The following LOC128462377 variants were observed in gnomAD, a reference collection of about 807,000 sequenced individuals.
chr16:89,341,653 T>C, the LOC128462377 span, among the ~76,000 whole-genome samples: 1 of 152,238 alleles, frequency 6.6e-6, no homozygotes, highest in African/African-American at 2.4e-5. Context: ...CTGGGAGCAA[T>C]GCCACGTATG....
At chr16:89,385,200 G>T in the LOC128462377 span, among the ~76,000 whole-genome samples, 11 of 145,268 alleles carry the variant, frequency 7.6e-5, no homozygotes, top group African/African-American at 2.8e-4. Flanking sequence ...TTTTTTGTTT[G>T]TTTGTTTGAG....
chr16:89,394,001 G>C, the LOC128462377 span, among the ~76,000 whole-genome samples: 1 of 152,168 alleles, frequency 6.6e-6, no homozygotes, highest in Non-Finnish European at 1.5e-5. Context: ...ATGAAAGTGG[G>C]TTCCCAGACC....
At chr16:89,357,805 G>A in the LOC128462377 span, among the ~76,000 whole-genome samples, 3 of 152,258 alleles carry the variant, frequency 2.0e-5, no homozygotes, top group Non-Finnish European at 4.4e-5. Context: ...TCATCGGCAA[G>A]CCAATCCATG....
the LOC128462377 span, among the ~76,000 whole-genome samples, chr16:89,352,366 T>G: frequency 6.6e-6 from 1 of 151,052 alleles, no homozygotes; most frequent in East Asian, 2.0e-4. Flanking sequence ...CCGCAATGTC[T>G]CAAGGCAGCC....
the LOC128462377 span, among the ~76,000 whole-genome samples, chr16:89,389,175 C>T: frequency 6.6e-6 from 1 of 152,040 alleles, no homozygotes; most frequent in East Asian, 1.9e-4. Context: ...CACGCCACTA[C>T]GTCTGGCTAA....
the LOC128462377 span, among the ~76,000 whole-genome samples, chr16:89,346,313 A>G: frequency 1.3e-5 from 2 of 152,040 alleles, no homozygotes; most frequent in Non-Finnish European, 2.9e-5. Flanking sequence ...CACGGAGCAG[A>G]TATTAAAGTG....
At chr16:89,324,221 T>C in the LOC128462377 span, 1 of 1,192,226 alleles carries the variant, frequency 8.4e-7, no homozygotes, top group Non-Finnish European at 1.1e-6. Context: ...TACTGGCCTC[T>C]GCTTTGCCCC....
the LOC128462377 span, among the ~76,000 whole-genome samples, chr16:89,349,134 T>TAAAA: frequency 7.7e-3 from 128 of 16,562 alleles, 8 homozygotes; most frequent in Non-Finnish European, 9.5e-3. Flanking sequence ...TCTCAAAAAG[T>TAAAA]AAAAAAAAAA....
At chr16:89,348,239 C>T in the LOC128462377 span, among the ~76,000 whole-genome samples, 1 of 152,152 alleles carries the variant, frequency 6.6e-6, no homozygotes, top group African/African-American at 2.4e-5. Context: ...GCCTCAAATA[C>T]CATTTTTTAA....
chr16:89,397,946 T>A, the LOC128462377 span, among the ~76,000 whole-genome samples: 2 of 152,226 alleles, frequency 1.3e-5, no homozygotes, highest in African/African-American at 4.8e-5. Context: ...CAGACACTGA[T>A]CTCCTGTTGT....
At chr16:89,406,718 ACCTCAGTGCCTCCT>A in the LOC128462377 span, among the ~76,000 whole-genome samples, 6 of 152,112 alleles carry the variant, frequency 3.9e-5, no homozygotes, top group Non-Finnish European at 8.8e-5. Flanking sequence ...AAGAAGATGG[ACCTCAGTGCCTCCT>A]TCACGCTGAT....
chr16:89,384,454 G>C, the LOC128462377 span, among the ~76,000 whole-genome samples: 2 of 151,722 alleles, frequency 1.3e-5, no homozygotes, highest in Non-Finnish European at 2.9e-5. Context: ...AACGGGATGG[G>C]ATGAAATGGG....
the LOC128462377 span, among the ~76,000 whole-genome samples, chr16:89,382,773 G>A: frequency 1.3e-5 from 2 of 152,200 alleles, no homozygotes; most frequent in African/African-American, 2.4e-5. Flanking sequence ...AGTCAACTGT[G>A]TTCAGCTGAA....
the LOC128462377 span, among the ~76,000 whole-genome samples, chr16:89,332,203 G>A: frequency 2.0e-4 from 30 of 152,126 alleles, no homozygotes; most frequent in Admixed American, 1.8e-3. Flanking sequence ...ACTTCCTTAC[G>A]TATTAAAGAA....
At chr16:89,373,276 A>G in the LOC128462377 span, 2 of 152,264 alleles carry the variant, frequency 1.3e-5, no homozygotes, top group South Asian at 4.1e-4. Context: ...TTATCCCCAG[A>G]TAAGTGGTAA....
the LOC128462377 span, among the ~76,000 whole-genome samples, chr16:89,385,908 C>G: frequency 1.3e-5 from 2 of 152,264 alleles, no homozygotes; most frequent in African/African-American, 4.8e-5. Context: ...CGGTGGTCCC[C>G]ACTCCCAGGA....
the LOC128462377 span, among the ~76,000 whole-genome samples, chr16:89,352,777 C>T: frequency 5.3e-5 from 8 of 152,172 alleles, no homozygotes; most frequent in East Asian, 1.9e-4. Context: ...TTCTTGAGTG[C>T]GTTTCCTATG....
At chr16:89,330,560 G>T in the LOC128462377 span, among the ~76,000 whole-genome samples, 1 of 151,188 alleles carries the variant, frequency 6.6e-6, no homozygotes, top group African/African-American at 2.4e-5. Flanking sequence ...GGGGTGGTGT[G>T]GGGGGGAGCC....
At chr16:89,329,206 G>A in the LOC128462377 span, among the ~76,000 whole-genome samples, 1 of 152,232 alleles carries the variant, frequency 6.6e-6, no homozygotes, top group African/African-American at 2.4e-5. Flanking sequence ...GCTCATGTCT[G>A]TCGGTGGCTG....
Sources: allele counts gnomAD v4.1 joint callset (sites outside exome capture counted in the v4.1 genomes callset), GRCh38; gene constraint gnomAD v4.1.1; transcripts MANE v1.5.